TCF4: variants seen among roughly 807,000 people sequenced by gnomAD.
TCF4 encodes the protein transcription factor 4.
In TCF4, 3 loss-of-function variants were observed where a neutral mutation model predicts 82.1. The observed-to-expected ratio is 0.04, with a 90% CI of 0.02 to 0.09. The LOEUF is 0.09. Ranked by LOEUF, TCF4 falls within the 10% of genes least tolerant of loss-of-function variation. The pLI is 1.00. For missense variants in TCF4, 518 were observed against 852.7 expected (o/e 0.61, Z 4.89); for synonymous variants, 276 against 309.6 (o/e 0.89, Z 1.14).
intron 5 of TCF4, among the ~76,000 whole-genome samples, chr18:55,405,704 A>C (rs2094051700): frequency 6.6e-6 from 1 of 152,174 alleles, no homozygotes; most frequent in South Asian, 2.1e-4. Context: ...GAGAATAAGT[A>C]GGAGAAAAAC....
chr18:55,586,884 A>C, intron 2 of TCF4, 161 bp downstream of exon 2: 1 of 633,304 alleles, frequency 1.6e-6, no homozygotes, highest in Non-Finnish European at 2.7e-6. Flanking sequence ...CCACAAAATT[A>C]TAGTTAAAAA....
intron 8 of TCF4, among the ~76,000 whole-genome samples, chr18:55,283,511 A>G (rs533320292): frequency 2.4e-4 from 36 of 152,296 alleles, no homozygotes; most frequent in African/African-American, 8.4e-4. Flanking sequence ...CTTTGGTGGC[A>G]AGAGTTCCAC....
At chr18:55,477,935 A>C (rs1381976967) in intron 3 of TCF4, among the ~76,000 whole-genome samples, 1 of 152,168 alleles carries the variant, frequency 6.6e-6, no homozygotes, top group African/African-American at 2.4e-5. Context: ...TACCGGTCAG[A>C]AAGAGATGAG....
chr18:55,422,370 A>G, intron 5 of TCF4: 1 of 985,162 alleles, frequency 1.0e-6, no homozygotes, highest in South Asian at 4.7e-5. Flanking sequence ...ACATTTAAAT[A>G]GTCTTGAAAG....
At chr18:55,377,370 A>G (rs1324170740) in intron 6 of TCF4, among the ~76,000 whole-genome samples, 2 of 152,166 alleles carry the variant, frequency 1.3e-5, no homozygotes, top group Non-Finnish European at 2.9e-5. Context: ...CAGGTACAAA[A>G]CAAGCCACTC....
chr18:55,257,250 G>C, intron 14 of TCF4, 65 bp downstream of exon 14: 1 of 1,508,760 alleles, frequency 6.6e-7, no homozygotes, highest in Non-Finnish European at 9.2e-7. Flanking sequence ...GAGAGTAAAG[G>C]AGACTGAACA....
intron 13 of TCF4, chr18:55,259,696 T>C: frequency 2.1e-6 from 1 of 475,624 alleles, no homozygotes; most frequent in Non-Finnish European, 3.8e-6. Flanking sequence ...AAGAAAAGTG[T>C]AAGAAATACA....
At chr18:55,504,382 G>A (rs2146114230) in intron 3 of TCF4, among the ~76,000 whole-genome samples, 1 of 152,310 alleles carries the variant, frequency 6.6e-6, no homozygotes, top group East Asian at 1.9e-4. Context: ...AGTAACTTTT[G>A]TGGCACTAGG....
At chr18:55,510,565 A>G in intron 3 of TCF4, 1 of 1,480,438 alleles carries the variant, frequency 6.8e-7, no homozygotes, top group Non-Finnish European at 9.0e-7. Context: ...AATACAAGTT[A>G]CATAAATATT....
chr18:55,242,331 C>A (rs1047024929), intron 15 of TCF4, among the ~76,000 whole-genome samples: 27 of 152,174 alleles, frequency 1.8e-4, no homozygotes, highest in Admixed American at 5.2e-4. Flanking sequence ...TTGTGGGCAT[C>A]CCATCCCAAG....
chr18:55,626,748 G>A (rs987784492), intron 2 of TCF4, among the ~76,000 whole-genome samples: 2 of 152,110 alleles, frequency 1.3e-5, no homozygotes, highest in African/African-American at 4.8e-5. Context: ...GCATCCATCT[G>A]GAAAATGAAA....
At chr18:55,243,279 T>C (rs1032443670) in intron 15 of TCF4, among the ~76,000 whole-genome samples, 1 of 152,224 alleles carries the variant, frequency 6.6e-6, no homozygotes, top group Non-Finnish European at 1.5e-5. Context: ...TCAGACTACA[T>C]ATTTCTGACA....
rs922498422 is a variant in TCF4, at chr18:55,507,392, G to T, written c.146-43255C>A. ...GTGTGAATCTGCTGGACAAAGTAAG[G>T]ATTCATGTCCCGGATGAGATGGCAA... On this transcript the variant is annotated intron_variant, in intron 3 of 19. Coordinates refer to ENST00000354452, the MANE Select transcript of TCF4 (RefSeq NM_001083962.2). 2.5e-4 allele frequency among the ~76,000 whole-genome samples: 38 copies of T among 152,136 alleles called. 2 individuals carry two copies. Among genetic ancestry groups the T allele is most frequent in the Admixed American group, 2.0e-3 (30 of 15,280 alleles).
At chr18:55,573,681 TG>T (rs2097499460) in intron 3 of TCF4, among the ~76,000 whole-genome samples, 1 of 152,224 alleles carries the variant, frequency 6.6e-6, no homozygotes, top group African/African-American at 2.4e-5. Flanking sequence ...TCACCTGGGC[TG>T]ATCTCTGAGC....
rs1555722683 is a variant in TCF4 at position 55,234,676 on chromosome 18, G to A, written c.1358C>T (p.Thr453Ile). The A allele has an allele frequency of 1.2e-6, 2 of 1,614,122 alleles. No individual in the cohort carries two copies. The highest frequency in any genetic ancestry group is 1.1e-5 in the South Asian group (1 of 91,080). ...SANRHSLMVG[T>I]HREDGVALRG... ...CAGGGCCACGCCATCTTCACGATGG[G>A]TCCCCACCTGAAAGGGCGAGAGGAA... Residue 453 changes from threonine to isoleucine, a missense_variant, in exon 16 of 20, where the codon ACC becomes ATC. Coordinates refer to ENST00000354452, the MANE Select transcript of TCF4 (RefSeq NM_001083962.2).
intron 8 of TCF4, among the ~76,000 whole-genome samples, chr18:55,319,271 A>G (rs1419912221): frequency 6.6e-6 from 1 of 152,208 alleles, no homozygotes; most frequent in Non-Finnish European, 1.5e-5. Flanking sequence ...AATCTCCACA[A>G]CATGTCTGGC....
At position 55,403,367 on chromosome 18, in the gene TCF4, G is replaced by A. The variant is rs557277035; in HGVS notation, c.369+87C>T. The A allele has an allele frequency of 1.1e-4, 168 of 1,487,488 alleles. No homozygotes were observed. The African/African-American group carries it at 2.2e-3, about 19-fold the overall frequency. 92.1% of individuals were successfully genotyped at this position (1,487,488 alleles called of 1,614,324 possible). ...TTGCCGGTGCATCTTTGGTGTCACA[G>A]TTTAAAATGCATCATCTAATTTAGA... On this transcript the variant is annotated intron_variant, in intron 6 of 19. Coordinates refer to ENST00000354452, the MANE Select transcript of TCF4 (RefSeq NM_001083962.2).
In TCF4 at chr18:55,466,518, T is replaced by C. The variant is rs189079531; in HGVS notation, c.146-2381A>G. Among the ~76,000 whole-genome samples the C allele has an allele frequency of 1.1e-3, 161 of 152,254 alleles. No homozygotes were observed. In the Middle Eastern group the frequency reaches 0.02, roughly 19 times the overall value. Reference sequence around the variant, plus strand: ...TCCCTAAAAATATATATATATATTTTTGGTGTTCTGACCCCAAATAAAAAT... The same window carrying C: ...TCCCTAAAAATATATATATATATTTCTGGTGTTCTGACCCCAAATAAAAAT... On this transcript the variant is annotated intron_variant, in intron 3 of 19. Coordinates refer to ENST00000354452, the MANE Select transcript of TCF4 (RefSeq NM_001083962.2).
chr18:55,274,479 G>C (rs780827558), intron 10 of TCF4, among the ~76,000 whole-genome samples: 2 of 152,080 alleles, frequency 1.3e-5, no homozygotes, highest in African/African-American at 2.4e-5. Flanking sequence ...TTAACTTCTG[G>C]AATTTTTTTG....
Sources: allele counts gnomAD v4.1 joint callset (sites outside exome capture counted in the v4.1 genomes callset), GRCh38; gene constraint gnomAD v4.1.1; transcripts MANE v1.5; gene names NCBI Gene and HGNC (gene_info 2026-07-23, HGNC 2026-07-21).